Variants in DLG2 observed in about 807,000 individuals in gnomAD.
DLG2 encodes disks large homolog 2.
Under a neutral mutation model 132.5 loss-of-function variants are expected in DLG2, and 45 were observed. The ratio of observed to expected loss-of-function variants is 0.34; its 90% CI spans 0.27 to 0.44. DLG2 has a LOEUF of 0.44. Ranked by LOEUF, DLG2 falls within the 20% of genes least tolerant of loss-of-function variation. The pLI, the probability that DLG2 is intolerant of heterozygous loss-of-function variation, is 1.00. For synonymous variants in DLG2, 424 were observed against 419.6 expected (o/e 1.01, Z -0.13); for missense variants, 1,045 against 1,196.9 (o/e 0.87, Z 1.87).
At chr11:83,665,106 G>A (rs2075239526) in intron 18 of DLG2, among the ~76,000 whole-genome samples, 1 of 152,202 alleles carries the variant, frequency 6.6e-6, no homozygotes, top group Non-Finnish European at 1.5e-5. Flanking sequence ...AACTTTAGAT[G>A]TGTGGAAAAA....
chr11:84,081,210 T>C (rs1188963839), intron 10 of DLG2, among the ~76,000 whole-genome samples: 1 of 152,152 alleles, frequency 6.6e-6, no homozygotes, highest in African/African-American at 2.4e-5. Context: ...ATTTGCATAA[T>C]CAAAAATGAT....
In DLG2 at chr11:85,488,328, G is replaced by C. The variant is rs1394009000; in HGVS notation, c.40+110329C>G. On this transcript the variant is annotated intron_variant, in intron 3 of 27. Transcript: ENST00000376104. ...CGCTTGAACCCAAGAGGCAGAGGTT[G>C]CAGTGAGCCGAGATCGCACCACTGC... Among the ~76,000 whole-genome samples, 4 of 151,912 alleles carry C rather than the reference G, an allele frequency of 2.6e-5. No homozygotes were observed. In the East Asian group the frequency reaches 7.7e-4, roughly 29 times the overall value.
intron 21 of DLG2, among the ~76,000 whole-genome samples, chr11:83,500,930 A>G (rs2094425680): frequency 6.6e-6 from 1 of 152,132 alleles, no homozygotes; most frequent in Admixed American, 6.5e-5. Context: ...TAATTATTTC[A>G]TAAGCCTAAA....
intron 4 of DLG2, among the ~76,000 whole-genome samples, chr11:85,257,140 A>G (rs1390307693): frequency 1.3e-5 from 2 of 152,240 alleles, no homozygotes; most frequent in Non-Finnish European, 2.9e-5. Flanking sequence ...TAATTTCATG[A>G]TATCTAGTGA....
At chr11:84,784,337 T>G (rs2072437639) in intron 6 of DLG2, among the ~76,000 whole-genome samples, 1 of 144,944 alleles carries the variant, frequency 6.9e-6, no homozygotes, top group Admixed American at 7.0e-5. Context: ...AATAAATAAA[T>G]AAATAAATAA....
chr11:85,518,586 T>G (rs900064790), intron 3 of DLG2, among the ~76,000 whole-genome samples: 2 of 152,136 alleles, frequency 1.3e-5, no homozygotes, highest in Non-Finnish European at 2.9e-5. Flanking sequence ...TTTGGAAAAT[T>G]TGCAGCCTGA....
At position 84,360,181 on chromosome 11, in the gene DLG2, G is replaced by C. The variant is rs111489248; in HGVS notation, c.520-108890C>G. 1.6e-3 allele frequency among the ~76,000 whole-genome samples: 235 copies of C among 151,576 alleles called. 1 individual carries two copies. Among genetic ancestry groups the C allele is most frequent in the African/African-American group, 5.4e-3 (225 of 41,354 alleles). ...TAGGAAAATATGAGAAGATGAGAGA[G>C]AAAATGCCTTATAGCCACATTATCT... is the stretch of plus-strand genomic sequence containing the variant. On this transcript the variant is annotated intron_variant, in intron 7 of 27. Coordinates refer to ENST00000376104, the MANE Select transcript of DLG2 (RefSeq NM_001142699.3).
At chr11:84,282,227 T>C (rs2097860541) in intron 7 of DLG2, among the ~76,000 whole-genome samples, 2 of 152,194 alleles carry the variant, frequency 1.3e-5, no homozygotes, top group East Asian at 1.9e-4. Flanking sequence ...AATCTTTAAA[T>C]AATCATGTTG....
At chr11:84,474,992 G>T (rs1384350320) in intron 7 of DLG2, among the ~76,000 whole-genome samples, 1 of 151,966 alleles carries the variant, frequency 6.6e-6, no homozygotes, top group Non-Finnish European at 1.5e-5. Flanking sequence ...CATCAGCCAG[G>T]TCTCTTGTTA....
intron 6 of DLG2, among the ~76,000 whole-genome samples, chr11:84,559,975 G>C (rs1374711190): frequency 6.6e-6 from 1 of 152,098 alleles, no homozygotes; most frequent in Non-Finnish European, 1.5e-5. Flanking sequence ...CTCTGTGCCA[G>C]ATATTCCTCT....
chr11:84,293,936 C>T (rs1222538862), intron 7 of DLG2, among the ~76,000 whole-genome samples: 1 of 152,186 alleles, frequency 6.6e-6, no homozygotes, highest in Non-Finnish European at 1.5e-5. Context: ...AGGACATGAA[C>T]CTCCTGTCTA....
intron 18 of DLG2, among the ~76,000 whole-genome samples, chr11:83,686,837 G>C (rs993180039): frequency 6.6e-6 from 1 of 152,160 alleles, no homozygotes; most frequent in Non-Finnish European, 1.5e-5. Context: ...GGGTTGAAAT[G>C]TGTCACCCCA....
At chr11:84,799,004 T>C (rs374648206) in intron 6 of DLG2, among the ~76,000 whole-genome samples, 2 of 152,258 alleles carry the variant, frequency 1.3e-5, no homozygotes, top group Admixed American at 6.5e-5. Context: ...GTCACTTTCA[T>C]TGCTAGAAGC....
intron 6 of DLG2, among the ~76,000 whole-genome samples, chr11:84,895,785 T>A (rs1201999139): frequency 6.6e-6 from 1 of 152,104 alleles, no homozygotes; most frequent in African/African-American, 2.4e-5. Context: ...TGGTCATGTA[T>A]CAAGTTAAGA....
intron 7 of DLG2, among the ~76,000 whole-genome samples, chr11:84,495,881 C>T (rs2099181718): frequency 1.3e-5 from 2 of 152,142 alleles, no homozygotes; most frequent in African/African-American, 4.8e-5. Flanking sequence ...GGCACAATGT[C>T]AGAGGAACAT....
chr11:83,929,276 C>T (rs1283076179), intron 15 of DLG2, among the ~76,000 whole-genome samples: 2 of 152,136 alleles, frequency 1.3e-5, no homozygotes, highest in African/African-American at 4.8e-5. Context: ...TATCCATCTT[C>T]ACTCTGAATC....
chr11:85,317,964 G>A (rs762743019), intron 3 of DLG2, among the ~76,000 whole-genome samples: 1 of 151,582 alleles, frequency 6.6e-6, no homozygotes, highest in Non-Finnish European at 1.5e-5. Context: ...CTGTGTGTCT[G>A]TTCCACAATA....
chr11:85,601,121 A>G (rs887061581), intron 2 of DLG2, among the ~76,000 whole-genome samples: 4 of 152,170 alleles, frequency 2.6e-5, no homozygotes, highest in Non-Finnish European at 5.9e-5. Context: ...ATAATTAAGA[A>G]TTGATGACTG....
chr11:84,642,065 C>CGTGT (rs1555124386), intron 6 of DLG2, among the ~76,000 whole-genome samples: 2 of 138,218 alleles, frequency 1.4e-5, no homozygotes, highest in East Asian at 2.1e-4. Context: ...TATACGCACG[C>CGTGT]GTGTGTGTGT....
Sources: allele counts gnomAD v4.1 joint callset (sites outside exome capture counted in the v4.1 genomes callset), GRCh38; gene constraint gnomAD v4.1.1; transcripts MANE v1.5; gene names NCBI Gene and HGNC (gene_info 2026-07-23, HGNC 2026-07-21).